TERB1: variants seen among roughly 807,000 people sequenced by gnomAD.
TERB1 encodes telomere repeat binding bouquet formation protein 1.
In TERB1, 63 loss-of-function variants were observed where a neutral mutation model predicts 92.3. The observed-to-expected ratio is 0.68, with a 90% CI of 0.56 to 0.84. The LOEUF is 0.84. Among genes scored for constraint, TERB1 ranks in the 40% least tolerant of loss-of-function variants. The probability of loss-of-function intolerance (pLI) is 0.00; values close to 1 mark genes in which losing one functional copy is unlikely to be tolerated. For synonymous variants in TERB1, 252 were observed against 283.9 expected (o/e 0.89, Z 1.13); for missense variants, 709 against 843.7 (o/e 0.84, Z 1.98).
intron 14 of TERB1, among the ~76,000 whole-genome samples, chr16:66,768,716 T>C (rs192416872): frequency 6.6e-6 from 1 of 152,330 alleles, no homozygotes; most frequent in Admixed American, 6.5e-5. Context: ...TATAGCTATC[T>C]GTCCATGTAC....
At chr16:66,789,040 A>G (rs534503589) in intron 5 of TERB1, among the ~76,000 whole-genome samples, 1 of 147,942 alleles carries the variant, frequency 6.8e-6, no homozygotes, top group Non-Finnish European at 1.5e-5. Context: ...AAAAAAAAAG[A>G]AAGAATGACT....
chr16:66,755,219 C>A lies in TERB1; in HGVS notation c.1997-56G>T, dbSNP rs2018117473. The A allele has an allele frequency of 1.3e-5, 14 of 1,072,734 alleles. No individual in the cohort carries two copies. The South Asian group carries it at 1.7e-4, about 13-fold the overall frequency. The allele number at this position is 1,072,734 out of a possible 1,614,324, so 66.5% of individuals were successfully genotyped here. On this transcript the variant is annotated intron_variant, in intron 18 of 18. Coordinates refer to ENST00000433154, the MANE Select transcript of TERB1 (RefSeq NM_001136505.2). ...TTTGCTGAACAAAGGTCCTGAGATG[C>A]AAATAAGTGCTTATTTGGATATGCT...
At chr16:66,798,304 C>T (rs528459724) in intron 2 of TERB1, among the ~76,000 whole-genome samples, 7 of 151,564 alleles carry the variant, frequency 4.6e-5, no homozygotes, top group East Asian at 1.9e-4. Flanking sequence ...CTCAGCATTC[C>T]GAGTAGCTGA....
chr16:66,758,595 G>T, intron 18 of TERB1, 178 bp downstream of exon 18: 1 of 489,344 alleles, frequency 2.0e-6, no homozygotes, highest in Middle Eastern at 5.7e-4. Context: ...ACAAAAACCA[G>T]CAGGGTGTGG....
chr16:66,767,338 C>CA (rs34069156), intron 16 of TERB1, 77 bp downstream of exon 16: 147,765 of 667,576 alleles, frequency 0.22, 1,340 homozygotes, highest in Non-Finnish European at 0.25. Context: ...GACTCTGTAT[C>CA]AAAAAAAAAA....
At chr16:66,794,914 A>ACACACACACACAC (rs1316374992) in intron 3 of TERB1, among the ~76,000 whole-genome samples, 1,086 of 82,774 alleles carry the variant, frequency 0.013, 14 homozygotes, top group African/African-American at 0.028. Context: ...CGTCTCAAAA[A>ACACACACACACAC]AAAAAAAAAC....
intron 8 of TERB1, 42 bp downstream of exon 8, chr16:66,785,971 GT>G: frequency 6.5e-7 from 1 of 1,527,086 alleles, no homozygotes; most frequent in East Asian, 2.5e-5. Flanking sequence ...GTTTTCATTT[GT>G]TTTTATCTTT....
Position 66,755,126 on chromosome 16 carries a change from T to A in TERB1, c.2034A>T (p.Glu678Asp). 1.3e-6 allele frequency: 2 copies of A among 1,548,134 alleles called. No homozygotes were observed. The highest frequency in any genetic ancestry group is 1.7e-6 in the Non-Finnish European group (2 of 1,144,578). ...RRIRKNFTEE[E>D]VNYLFNGVKK... ...TAACTCCATTGAAAAGGTAATTTAC[T>A]TCTTCTTCAGTAAAGTTTTTGCGAA... The change falls in exon 19 of 19, where the codon GAA (glutamate) becomes GAT (aspartate). Residue 678 changes from glutamate (E) to aspartate (D), a missense_variant. Physicochemically the swap from Glu to Asp is conservative, Grantham distance 45. Transcript: ENST00000433154.
chr16:66,798,067 CAAAAAGAAAAAAAA>C (rs1353687663), intron 2 of TERB1, among the ~76,000 whole-genome samples: 1 of 112,074 alleles, frequency 8.9e-6, no homozygotes, highest in Non-Finnish European at 1.8e-5. Flanking sequence ...GGCCTTGTCT[CAAAAAGAAAAAAAA>C]AAAAAGAAAA....
chr16:66,781,760 T>A (rs536941732), intron 9 of TERB1, among the ~76,000 whole-genome samples: 74 of 152,286 alleles, frequency 4.9e-4, no homozygotes, highest in African/African-American at 1.7e-3. Flanking sequence ...GACCTCGTGA[T>A]CCGCCTGTCT....
Position 66,786,330 on chromosome 16 carries a change from A to G in TERB1, c.401-45T>C, listed in dbSNP as rs754349947. 2.1e-4 allele frequency: 271 copies of G among 1,321,372 alleles called. 1 individual carries two copies. The highest frequency in any genetic ancestry group is 2.0e-4 in the Non-Finnish European group (188 of 956,884). 81.9% of individuals were successfully genotyped at this position (1,321,372 alleles called of 1,614,324 possible). On this transcript the variant is annotated intron_variant, in intron 6 of 18. Coordinates refer to ENST00000433154, the MANE Select transcript of TERB1 (RefSeq NM_001136505.2). ...AAAAATATGAGTTTTATTTACAAATAGTCTTGCAGAAATGAAGAACAGTTA... is the reference window on the plus strand; with the variant it reads ...AAAAATATGAGTTTTATTTACAAATGGTCTTGCAGAAATGAAGAACAGTTA...
At chr16:66,760,840 G>A (rs2018229939) in intron 16 of TERB1, among the ~76,000 whole-genome samples, 1 of 137,762 alleles carries the variant, frequency 7.3e-6, no homozygotes, top group African/African-American at 2.7e-5. Flanking sequence ...TAGGTTGGGT[G>A]CAATGGCTCA....
chr16:66,763,140 C>CT (rs879758552), intron 16 of TERB1, among the ~76,000 whole-genome samples: 194 of 144,762 alleles, frequency 1.3e-3, no homozygotes, highest in Middle Eastern at 7.1e-3. Context: ...TTCATCATTA[C>CT]TTTTTTTTTT....
intron 18 of TERB1, among the ~76,000 whole-genome samples, chr16:66,756,832 G>A (rs746815038): frequency 1.3e-5 from 2 of 152,098 alleles, no homozygotes; most frequent in South Asian, 4.1e-4. Context: ...CAAGCTCCCC[G>A]CTCTGTGACT....
intron 3 of TERB1, among the ~76,000 whole-genome samples, chr16:66,794,417 C>G (rs184906238): frequency 2.0e-4 from 30 of 151,844 alleles, no homozygotes; most frequent in Admixed American, 3.9e-4. Context: ...AACTTCTTTA[C>G]GTATTCCTCC....
At chr16:66,760,517 A>G (rs2018221609) in intron 16 of TERB1, among the ~76,000 whole-genome samples, 1 of 107,784 alleles carries the variant, frequency 9.3e-6, no homozygotes, top group Admixed American at 9.9e-5. Context: ...GTTGGGTGCA[A>G]TGGCTCATGC....
At chr16:66,775,050 T>A in intron 12 of TERB1, 68 bp downstream of exon 12, 1 of 1,491,336 alleles carries the variant, frequency 6.7e-7, no homozygotes, top group Non-Finnish European at 9.1e-7. Context: ...CCTTGGCTCA[T>A]GAAAGCAGAA....
chr16:66,795,375 T>C (rs1471765932), intron 3 of TERB1, among the ~76,000 whole-genome samples: 1 of 152,236 alleles, frequency 6.6e-6, no homozygotes, highest in African/African-American at 2.4e-5. Context: ...AGTTTCCCAG[T>C]GGGCTTAAGC....
chr16:66,779,996 A>C (rs906923875), intron 9 of TERB1, among the ~76,000 whole-genome samples: 1 of 152,100 alleles, frequency 6.6e-6, no homozygotes, highest in Non-Finnish European at 1.5e-5. Flanking sequence ...TCATGCCTTT[A>C]ATGACTACAG....
Sources: allele counts gnomAD v4.1 joint callset (sites outside exome capture counted in the v4.1 genomes callset), GRCh38; gene constraint gnomAD v4.1.1; transcripts MANE v1.5; gene names NCBI Gene and HGNC (gene_info 2026-07-23, HGNC 2026-07-21).